The following RAB13 variants were observed in gnomAD, a reference collection of about 807,000 sequenced individuals.
The protein encoded by RAB13 is RAB13, member RAS oncogene family.
Under a neutral mutation model 29.3 loss-of-function variants are expected in RAB13, and 15 were observed. That is an observed-to-expected ratio of 0.51 (90% confidence interval 0.34 to 0.79). The LOEUF (loss-of-function observed/expected upper bound fraction) is 0.79. Ranked by LOEUF, RAB13 falls within the 30% of genes least tolerant of loss-of-function variation. RAB13 has a pLI of 0.01. For synonymous variants in RAB13, 82 were observed against 93.8 expected, an observed-to-expected ratio of 0.87 and a Z score of 0.73; for missense variants, 186 against 255.5, an observed-to-expected ratio of 0.73 and a Z score of 1.85.
rs748444413 is a variant in RAB13, at chr1:153,983,206, G to A, written c.324+13C>T. 4 of 1,606,446 alleles carry A rather than the reference G, an allele frequency of 2.5e-6. No homozygotes were observed. Among genetic ancestry groups the A allele is most frequent in the Non-Finnish European group, 3.4e-6 (4 of 1,173,392 alleles). ...TCTAACCAGTTTCCCCATCTCTTTT[G>A]GAGGGTCCTCACCTCCTTGATGCTT... On this transcript the variant is annotated intron_variant, in intron 4 of 7. Transcript: ENST00000368575.
At chr1:153,985,134 T>G (rs1649120938) in intron 1 of RAB13, 1 of 1,047,462 alleles carries the variant, frequency 9.5e-7, no homozygotes, top group African/African-American at 1.7e-5. Flanking sequence ...TTCACATTCC[T>G]CTTCTCTGTT....
At chr1:153,982,485 T>C in intron 6 of RAB13, 41 bp from the exon 7 acceptor site, 1 of 1,607,246 alleles carries the variant, frequency 6.2e-7, no homozygotes, top group African/African-American at 1.3e-5. Context: ...GAGGAGAATC[T>C]ACCTTCTAAT....
chr1:153,989,239 AATTATTATTATT>A (rs535397163), upstream of RAB13, among the ~76,000 whole-genome samples: 1 of 136,392 alleles, frequency 7.3e-6, no homozygotes, highest in Non-Finnish European at 1.6e-5. Context: ...GCAAAGAAAA[AATTATTATTATT>A]ATTATTATTA....
At position 153,982,868 on chromosome 1, in the gene RAB13, T is replaced by C. The variant is rs549643334; in HGVS notation, c.325-60A>G. 30 of 1,549,158 alleles carry C rather than the reference T, an allele frequency of 1.9e-5. No individual in the cohort carries two copies. The South Asian group carries it at 3.0e-4, about 16-fold the overall frequency. The stretch of plus-strand genomic sequence containing the variant: ...CCGGCTGGGAGCGGTGGCTCACGCC[T>C]GTAATCCCAGCACTTTGGGAGGCCA... On this transcript the variant is annotated intron_variant, in intron 4 of 7. Transcript: ENST00000368575.
rs1648987750 is a variant in RAB13 at position 153,982,058 on chromosome 1, C to G, written c.*41G>C. ...GCTCACTCCCTCTGCCGTTGTCTCCCTCAGGTTCAGCTTCCGGGGTGGGGA... is the reference window on the plus strand; with the variant it reads ...GCTCACTCCCTCTGCCGTTGTCTCCGTCAGGTTCAGCTTCCGGGGTGGGGA... On this transcript the variant is annotated 3_prime_UTR_variant, in exon 8 of 8. Transcript: ENST00000368575. 1.9e-6 allele frequency: 3 copies of G among 1,570,814 alleles called. No individual in the cohort carries two copies. The highest frequency in any genetic ancestry group is 1.4e-5 in the African/African-American group (1 of 73,958).
chr1:153,990,679 A>T, upstream of RAB13: 1 of 1,386,234 alleles, frequency 7.2e-7, no homozygotes, highest in Non-Finnish European at 1.0e-6. Context: ...TCAAAGTAAG[A>T]CGTTCCAAAC....
At chr1:153,983,715 G>A (rs760668221) in intron 2 of RAB13, 134 bp from the exon 3 acceptor site, 56 of 737,536 alleles carry the variant, frequency 7.6e-5, no homozygotes, top group Admixed American at 5.9e-4. Flanking sequence ...AAAGGGGAAC[G>A]GGATTAAAGA....
upstream of RAB13, chr1:153,986,360 C>A: frequency 1.3e-6 from 1 of 789,628 alleles, no homozygotes; most frequent in Non-Finnish European, 2.0e-6. Flanking sequence ...CCCTCTCCGC[C>A]CAGGCTCCGG....
At chr1:153,988,056 C>A (rs575298721), upstream of RAB13, among the ~76,000 whole-genome samples, 6 of 150,432 alleles carry the variant, frequency 4.0e-5, no homozygotes, top group African/African-American at 1.5e-4. Context: ...GCAATCTCGG[C>A]TCACTGCAAC....
rs1274578590 is a variant in RAB13, at chr1:153,982,314, CACACACACACACACACACACATACAT to C, written c.534+51_534+76del. 6.5e-5 allele frequency: 96 copies of C among 1,467,468 alleles called. No individual in the cohort carries two copies. The African/African-American group carries it at 1.2e-3, about 19-fold the overall frequency. The allele number at this position is 1,467,468 out of a possible 1,614,324, so 90.9% of individuals were successfully genotyped here. A position where few individuals can be genotyped will look rare whatever the true frequency, so the allele number is the denominator to read the frequency against. Reference sequence around the variant, plus strand: ...TTTTATCAACACCAACACACACACACACACACACACACACACACACATACATACACACACACACACCCCAGAGTTGT... The same window carrying C: ...TTTTATCAACACCAACACACACACACACACACACACACACCCCAGAGTTGT... On this transcript the variant is annotated intron_variant, in intron 7 of 7. Coordinates refer to ENST00000368575, the MANE Select transcript of RAB13 (RefSeq NM_002870.5).
chr1:153,990,708 T>C, upstream of RAB13: 1 of 1,550,618 alleles, frequency 6.4e-7, no homozygotes. Flanking sequence ...ACAAGATCCT[T>C]GCGTCATTTC....
upstream of RAB13, among the ~76,000 whole-genome samples, chr1:153,988,772 C>T (rs1252686824): frequency 6.7e-6 from 1 of 148,918 alleles, no homozygotes; most frequent in African/African-American, 2.4e-5. Context: ...CGCACTACCC[C>T]CTGCTAATTT....
chr1:153,990,650 G>T, upstream of RAB13: 4 of 1,034,888 alleles, frequency 3.9e-6, no homozygotes, highest in African/African-American at 1.6e-5. Context: ...CAGCTCCCTT[G>T]TCTCCCCACT....
chr1:153,985,216 C>T, intron 1 of RAB13: 3 of 988,474 alleles, frequency 3.0e-6, no homozygotes, highest in Non-Finnish European at 3.6e-6. Context: ...GTAGCTGAAG[C>T]CAGTCTATGT....
chr1:153,989,867 G>C (rs995936044), upstream of RAB13, among the ~76,000 whole-genome samples: 1 of 151,232 alleles, frequency 6.6e-6, no homozygotes. Flanking sequence ...ACTACAGCCT[G>C]GGCAACAAGA....
chr1:153,984,227 A>C (rs1649091644), intron 2 of RAB13, among the ~76,000 whole-genome samples: 1 of 151,958 alleles, frequency 6.6e-6, no homozygotes, highest in African/African-American at 2.4e-5. Context: ...TAGGCTGAAT[A>C]ATTAATGAAG....
In RAB13 at chr1:153,986,339, G is replaced by A. The variant is rs1571130518; in HGVS notation, c.-103C>T. 4 of 969,294 alleles carry A rather than the reference G, an allele frequency of 4.1e-6. No individual in the cohort carries two copies. In the East Asian group the frequency reaches 1.0e-4, roughly 25 times the overall value. 60.0% of individuals were successfully genotyped at this position (969,294 alleles called of 1,614,324 possible). A position where few individuals can be genotyped will look rare whatever the true frequency, so the allele number is the denominator to read the frequency against. On this transcript the variant is annotated 5_prime_UTR_variant, in exon 1 of 8. Transcript: ENST00000368575. ...AGCGGCACGGAGCCCAGGCCAGGAA[G>A]AAGTTTTCCTCCCTCTCCGCCCAGG...
Position 153,982,544 on chromosome 1 carries a change from A to C in RAB13, c.471T>G (p.Asn157Lys). 6.2e-7 allele frequency: 1 copy of C among 1,608,634 alleles called. No homozygotes were observed. Reference sequence around the variant, plus strand: ...GGGGTGTGGATCTCACCTCATCCACATTCATACTGGATTTAGCACTAGTTT... The same window carrying C: ...GGGGTGTGGATCTCACCTCATCCACCTTCATACTGGATTTAGCACTAGTTT... ...FFETSAKSSM[N>K]VDEAFSSLAR... Residue 157 changes from asparagine (N) to lysine (K), a missense_variant, in exon 6 of 8, where the codon AAT becomes AAG. Asn to Lys is a moderately conservative substitution (Grantham distance 94). Transcript: ENST00000368575.
upstream of RAB13, among the ~76,000 whole-genome samples, chr1:153,987,952 C>T (rs1488590120): frequency 1.3e-5 from 2 of 151,714 alleles, no homozygotes; most frequent in Non-Finnish European, 2.9e-5. Context: ...GAGTAAGATC[C>T]TGTTTCAAAA....
Sources: allele counts gnomAD v4.1 joint callset (sites outside exome capture counted in the v4.1 genomes callset), GRCh38; gene constraint gnomAD v4.1.1; transcripts MANE v1.5; gene names NCBI Gene and HGNC (gene_info 2026-07-23, HGNC 2026-07-21).